DLEU7: variants seen among roughly 807,000 people sequenced by gnomAD.
DLEU7 encodes deleted in lymphocytic leukemia 7.
In DLEU7, 17 loss-of-function variants were observed where a neutral mutation model predicts 16.0. The observed-to-expected ratio is 1.06, with a 90% CI of 0.73 to 1.59. The LOEUF is 1.59. DLEU7 is among the 40% of genes most tolerant of loss of function. The pLI is 0.00. For synonymous variants in DLEU7, 113 were observed against 139.8 expected (o/e 0.81, Z 1.35); for missense variants, 308 against 314.9 (o/e 0.98, Z 0.17).
At chr13:50,840,291 A>G (rs917517062) in intron 1 of DLEU7, among the ~76,000 whole-genome samples, 1 of 152,248 alleles carries the variant, frequency 6.6e-6, no homozygotes, top group African/African-American at 2.4e-5. Flanking sequence ...CACTAGTATT[A>G]AGGAAGCTAA....
intron 1 of DLEU7, among the ~76,000 whole-genome samples, chr13:50,738,050 A>G (rs940332702): frequency 6.6e-6 from 1 of 152,150 alleles, no homozygotes; most frequent in African/African-American, 2.4e-5. Flanking sequence ...AATGGTCTGG[A>G]TAGTAAATCA....
chr13:50,811,965 G>T (rs147084310), intron 1 of DLEU7, among the ~76,000 whole-genome samples: 62 of 151,312 alleles, frequency 4.1e-4, no homozygotes, highest in South Asian at 8.3e-4. Context: ...AGCTACTCCA[G>T]AGGCTGAGGT....
At chr13:50,775,184 T>C (rs1875457716) in intron 1 of DLEU7, among the ~76,000 whole-genome samples, 1 of 152,082 alleles carries the variant, frequency 6.6e-6, no homozygotes, top group African/African-American at 2.4e-5. Context: ...ATACTAGATA[T>C]TGTGGGTGAT....
At chr13:50,790,276 T>C (rs1001824343) in intron 1 of DLEU7, among the ~76,000 whole-genome samples, 5 of 152,192 alleles carry the variant, frequency 3.3e-5, no homozygotes, top group Non-Finnish European at 5.9e-5. Context: ...TGTCCATTAC[T>C]ATCAATATCT....
Position 50,833,281 on chromosome 13 carries a change from T to C in DLEU7, c.460-9761A>G, listed in dbSNP as rs190712472. 1.2e-4 allele frequency among the ~76,000 whole-genome samples: 18 copies of C among 152,324 alleles called. 1 individual carries two copies. Among genetic ancestry groups the C allele is most frequent in the Admixed American group, 1.0e-3 (16 of 15,298 alleles). ...TTGCCTCTGTTTGCAGATGACATGA[T>C]TGTATATTTAGAAAACCCCATCATC... On this transcript the variant is annotated intron_variant, in intron 1 of 1. Transcript: ENST00000504404.
intron 1 of DLEU7, among the ~76,000 whole-genome samples, chr13:50,721,039 G>C (rs1431493962): frequency 1.3e-5 from 2 of 152,192 alleles, no homozygotes; most frequent in East Asian, 3.8e-4. Context: ...GACTGGGAGA[G>C]GCTGACCCAG....
intron 1 of DLEU7, among the ~76,000 whole-genome samples, chr13:50,810,185 G>GAA (rs5803535): frequency 1.3e-4 from 17 of 129,990 alleles, no homozygotes; most frequent in African/African-American, 4.5e-4. Context: ...AGAAATTCTG[G>GAA]AAAAAAAAAA....
chr13:50,841,781 T>A (rs1037801378), intron 1 of DLEU7, among the ~76,000 whole-genome samples: 4 of 151,268 alleles, frequency 2.6e-5, no homozygotes, highest in Admixed American at 1.3e-4. Flanking sequence ...ATGTAACTTA[T>A]AATCAATGGT....
intron 1 of DLEU7, among the ~76,000 whole-genome samples, chr13:50,834,239 T>C (rs1362237798): frequency 6.6e-6 from 1 of 152,022 alleles, no homozygotes; most frequent in Non-Finnish European, 1.5e-5. Context: ...GAAACTATCA[T>C]CAGAGTGAAC....
At chr13:50,820,029 C>T (rs140931922), downstream of DLEU7, among the ~76,000 whole-genome samples, 1 of 152,224 alleles carries the variant, frequency 6.6e-6, no homozygotes, top group African/African-American at 2.4e-5. Flanking sequence ...CCATGAAAGT[C>T]TGCTGACCTG....
At chr13:50,765,627 C>G (rs1875080508) in intron 1 of DLEU7, among the ~76,000 whole-genome samples, 1 of 151,454 alleles carries the variant, frequency 6.6e-6, no homozygotes, top group African/African-American at 2.4e-5. Flanking sequence ...GGAAGAAGAC[C>G]AGGAGAAATG....
At chr13:50,833,819 A>G (rs1009630573) in intron 1 of DLEU7, among the ~76,000 whole-genome samples, 2 of 152,262 alleles carry the variant, frequency 1.3e-5, no homozygotes, top group Admixed American at 1.3e-4. Flanking sequence ...TCAAAACAGC[A>G]TGGTACTGGT....
intron 1 of DLEU7, among the ~76,000 whole-genome samples, chr13:50,815,308 A>G (rs1876697973): frequency 6.6e-6 from 1 of 152,122 alleles, no homozygotes; most frequent in Non-Finnish European, 1.5e-5. Flanking sequence ...ACTTCTTTGA[A>G]TAACCATTGT....
At chr13:50,822,725 T>C, downstream of DLEU7, 1 of 985,276 alleles carries the variant, frequency 1.0e-6, no homozygotes, top group Non-Finnish European at 1.2e-6. Context: ...TTTAAATTAG[T>C]ATATAAAAGC....
chr13:50,744,215 A>G (rs970926877), intron 1 of DLEU7, among the ~76,000 whole-genome samples: 3 of 152,188 alleles, frequency 2.0e-5, no homozygotes, highest in African/African-American at 4.8e-5. Flanking sequence ...GGTCTGAGTC[A>G]ACCCCACAAG....
Position 50,843,660 on chromosome 13 carries a change from G to T in DLEU7, c.-14C>A, listed in dbSNP as rs779597039. 1 of 1,499,914 alleles carries T rather than the reference G, an allele frequency of 6.7e-7. No individual in the cohort carries two copies. Among genetic ancestry groups the T allele is most frequent in the Non-Finnish European group, 8.8e-7 (1 of 1,131,828 alleles). The allele number at this position is 1,499,914 out of a possible 1,614,324, so 92.9% of individuals were successfully genotyped here. ...AGGGCTGGCCATCGCCTCCGCTGGC[G>T]GCCCGGCGCGCTCCGCGTGCAGGTG... On this transcript the variant is annotated 5_prime_UTR_variant, in exon 1 of 2. Coordinates refer to ENST00000504404, the MANE Select transcript of DLEU7 (RefSeq NM_001306135.2). The surrounding 1 kb of genome is among the most constrained non-coding windows in gnomAD (Gnocchi z 5.7).
chr13:50,786,474 G>A lies in DLEU7; in HGVS notation c.459+56714C>T, dbSNP rs142051060. On this transcript the variant is annotated intron_variant, in intron 1 of 1. Coordinates refer to the DLEU7 transcript ENST00000400393. ...ATCCAGAACCTGCCACATAGTAGCA[G>A]CTCAGTGCATATTTGTTAAATGAAA... Among the ~76,000 whole-genome samples the A allele has an allele frequency of 1.4e-4, 21 of 152,260 alleles. No homozygotes were observed. In the East Asian group the frequency reaches 3.9e-3, roughly 28 times the overall value.
intron 1 of DLEU7, among the ~76,000 whole-genome samples, chr13:50,746,186 C>T (rs189468269): frequency 3.3e-5 from 5 of 152,282 alleles, no homozygotes; most frequent in Middle Eastern, 3.4e-3. Flanking sequence ...TCTGTGCAAG[C>T]ATTTGTTAAA....
intron 1 of DLEU7, among the ~76,000 whole-genome samples, chr13:50,790,720 G>T (rs1383167937): frequency 6.6e-6 from 1 of 152,120 alleles, no homozygotes; most frequent in Non-Finnish European, 1.5e-5. Flanking sequence ...ACCCAATGCT[G>T]TATAAACTGT....
Sources: gnomAD v4.1 joint callset for allele counts (sites outside exome capture counted in the v4.1 genomes callset) on GRCh38, gnomAD v4.1.1 for gene constraint, Gnocchi (gnomAD v3.1) non-coding constraint, MANE v1.5 for transcripts, NCBI Gene and HGNC (gene_info 2026-07-23, HGNC 2026-07-21) for gene names.